Variants in PLXNA3 observed in about 807,000 individuals in gnomAD.
The protein encoded by PLXNA3 is plexin-A3.
PLXNA3 carries 52 observed loss-of-function variants against 118.8 expected under a neutral mutation model. The observed-to-expected ratio is 0.44, with a 90% confidence interval of 0.35 to 0.55. PLXNA3 has a LOEUF of 0.55. PLXNA3 is among the 20% of genes least tolerant of loss of function. The pLI, the probability that PLXNA3 is intolerant of heterozygous loss-of-function variation, is 0.01. For synonymous variants in PLXNA3, 925 were observed against 762.4 expected (o/e 1.21, Z -3.51); for missense variants, 1,660 against 1,730.8 (o/e 0.96, Z 0.73).
chrX:154,471,406 G>A (rs1462094158), intron 31 of PLXNA3, 82 bp from the exon 32 acceptor site: 100 of 1,155,848 alleles, frequency 8.7e-5, no homozygotes, highest in Non-Finnish European at 1.0e-4. Context: ...CAGGCAGGAA[G>A]CCCGGGGGCT....
rs1000735586 is a variant in PLXNA3, at chrX:154,464,302, C to T, written c.1817C>T (p.Thr606Ile). The change falls in exon 8 of 33, where the codon ACC becomes ATC. Residue 606 changes from threonine (T) to isoleucine (I), a missense_variant. By Grantham distance (89) the Thr-to-Ile change is moderately conservative (BLOSUM62 -1). Around this residue, in one of 2 missense-constraint regions of PLXNA3, gnomAD observed 791 missense variants for 652.1 expected, o/e 1.21. Coordinates refer to ENST00000369682, the MANE Select transcript of PLXNA3 (RefSeq NM_017514.5). ...SPSLQELRAL[T>I]RGHGATRTVR... is the part of the protein sequence containing the mutation. ...TCCCTCCAGGAGCTCCGAGCTCTTA[C>T]CAGGGGGCATGGTCAGTGGGTTGGG... 8.3e-7 allele frequency: 1 copy of T among 1,207,746 alleles called. No individual in the cohort carries two copies. The highest frequency in any genetic ancestry group is 1.8e-5 in the South Asian group (1 of 56,861).
rs1459366429 is a variant in PLXNA3 at position 154,477,489 on chromosome X, G to GA, written c.*4811dup. On this transcript the variant is annotated 3_prime_UTR_variant, in exon 33 of 33. Coordinates refer to ENST00000369682, the MANE Select transcript of PLXNA3 (RefSeq NM_017514.5). ...AGCTCATGTTAGATTTAAAAATCAG[G>GA]AAAAAAATTTAACACTAAACTTGCA... The GA allele has an allele frequency of 1.7e-5, 2 of 114,580 alleles. No homozygotes were observed. Among genetic ancestry groups the GA allele is most frequent in the African/African-American group, 6.5e-5 (2 of 30,817 alleles). 9.4% of individuals were successfully genotyped at this position (114,580 alleles called of 1,213,427 possible).
intron 1 of PLXNA3, 129 bp downstream of exon 1, chrX:154,458,557 C>T (rs2068879758): frequency 1.8e-5 from 2 of 112,736 alleles, no homozygotes; most frequent in Admixed American, 1.8e-4. Context: ...GCCGGCCTGC[C>T]CGACTCCTTG....
At position 154,474,348 on chromosome X, in the gene PLXNA3, A is replaced by G. The variant is rs1271055650; in HGVS notation, c.*1663A>G. ...TTTTTTTTTGAGATAGGTTGCCGCT[A>G]TGTTGTTCAGGCTGGTCTTGAATTC... On this transcript the variant is annotated 3_prime_UTR_variant, in exon 33 of 33. Coordinates refer to ENST00000369682, the MANE Select transcript of PLXNA3 (RefSeq NM_017514.5). The G allele has an allele frequency of 8.6e-5, 8 of 93,024 alleles. No homozygotes were observed. Among genetic ancestry groups the G allele is most frequent in the Non-Finnish European group, 1.7e-4 (8 of 48,240 alleles). The allele number at this position is 93,024 out of a possible 1,213,427, so 7.7% of individuals were successfully genotyped here. A position where few individuals can be genotyped will look rare whatever the true frequency, so the allele number is the denominator to read the frequency against.
chrX:154,460,560 A>G lies in PLXNA3; in HGVS notation c.377A>G (p.Asp126Gly). ...WQGICQFLRLDDLFKLGEPHH... is the reference protein window; with the variant it reads ...WQGICQFLRLGDLFKLGEPHH... The stretch of plus-strand genomic sequence containing the variant: ...GGCATCTGCCAGTTCCTGCGTCTGG[A>G]CGACCTCTTCAAGCTGGGTGAGCCG... The change falls in exon 2 of 33, where the codon GAC becomes GGC. Residue 126 changes from aspartate (D) to glycine (G), a missense_variant. Around this residue, in one of 2 missense-constraint regions of PLXNA3, gnomAD observed 791 missense variants for 652.1 expected, o/e 1.21. Transcript: ENST00000369682. 6 of 1,209,141 alleles carry G rather than the reference A, an allele frequency of 5.0e-6. No individual in the cohort carries two copies. Among genetic ancestry groups the G allele is most frequent in the East Asian group, 3.0e-5 (1 of 33,811 alleles).
chrX:154,471,650 C>T lies in PLXNA3; in HGVS notation c.5520+12C>T, dbSNP rs782025544. 38 of 1,192,273 alleles carry T rather than the reference C, an allele frequency of 3.2e-5. No individual in the cohort carries two copies. Among genetic ancestry groups the T allele is most frequent in the Non-Finnish European group, 5.7e-6 (5 of 881,565 alleles). The stretch of plus-strand genomic sequence containing the variant: ...AGTACCGCCAGGAGGTGTGTGTCAT[C>T]CCCACAGACTCCCAGTTACTTGGTC... On this transcript the variant is annotated intron_variant, in intron 32 of 32. Transcript: ENST00000369682.
rs2069032670 is a variant in PLXNA3, at chrX:154,464,207, C to T, written c.1722C>T (p.Cys574=). ...NVPDLSAGVS[C]AFEAAAENEA... is the part of the protein sequence containing the mutation. Reference sequence around the variant, plus strand: ...CAGACCTCAGTGCGGGCGTGAGCTGCGCCTTCGAGGCGGCGGCGGAGAACG... The same window carrying T: ...CAGACCTCAGTGCGGGCGTGAGCTGTGCCTTCGAGGCGGCGGCGGAGAACG... Residue 574 remains cysteine, a synonymous_variant, in exon 8 of 33, where the codon TGC becomes TGT. Transcript: ENST00000369682. 5 of 1,208,759 alleles carry T rather than the reference C, an allele frequency of 4.1e-6. No homozygotes were observed. The highest frequency in any genetic ancestry group is 4.5e-6 in the Non-Finnish European group (4 of 894,482).
At chrX:154,469,619 G>A (rs1436676159) in intron 27 of PLXNA3, 69 bp from the exon 28 acceptor site, 37 of 988,814 alleles carry the variant, frequency 3.7e-5, no homozygotes, top group Non-Finnish European at 5.3e-5. Flanking sequence ...CCTCCTGGGT[G>A]TGGGTGGGTG....
Position 154,460,172 on chromosome X carries a change from C to T in PLXNA3, c.-12C>T, listed in dbSNP as rs368407407. The T allele has an allele frequency of 1.2e-4, 137 of 1,158,611 alleles. No individual in the cohort carries two copies. Among genetic ancestry groups the T allele is most frequent in the African/African-American group, 4.2e-4 (24 of 56,568 alleles). ...CTCTCCCTAGGCCTGTCCCCAGGCG[C>T]GGCTGCCGGCCATGCCCTCTGTCTG... On this transcript the variant is annotated 5_prime_UTR_variant, in exon 2 of 33. Coordinates refer to ENST00000369682, the MANE Select transcript of PLXNA3 (RefSeq NM_017514.5).
rs782344349 is a variant in PLXNA3 at position 154,462,178 on chromosome X, G to A, written c.1185G>A (p.Leu395=). 5 of 1,204,792 alleles carry A rather than the reference G, an allele frequency of 4.2e-6. No homozygotes were observed. The highest frequency in any genetic ancestry group is 3.0e-5 in the East Asian group (1 of 33,217). ...NFCGLVLNQP[L]GGLHVIEGLP... ...GTGGGCTGGTGTTGAACCAGCCTCT[G>A]GGAGGCCTGCATGTGATCGAGGGGC... is the stretch of plus-strand genomic sequence containing the variant. The change falls in exon 4 of 33, where the codon CTG becomes CTA. Residue 395 remains leucine, a synonymous_variant. Coordinates refer to ENST00000369682, the MANE Select transcript of PLXNA3 (RefSeq NM_017514.5).
At position 154,467,559 on chromosome X, in the gene PLXNA3, TC is replaced by T. The variant is rs1557207708; in HGVS notation, c.3459del (p.Ala1154LeufsTer13). 8.5e-7 allele frequency: 1 copy of T among 1,183,257 alleles called. No homozygotes were observed. The highest frequency in any genetic ancestry group is 2.4e-5 in the Admixed American group (1 of 41,666). On this transcript the variant is annotated frameshift_variant, in exon 20 of 33. Transcript: ENST00000369682. LOFTEE classifies it high-confidence loss of function. ...TCCACCCCCAGGGCAAGAACCTGAT[TC>T]CCGCTGCAGCCGGCAGCTCCCGCCT... ...HVVLKGKNLI[P>X]AAAGSSRLNY...
rs2069234420 is a variant in PLXNA3, at chrX:154,476,122, C to G, written c.*3437C>G. The G allele has an allele frequency of 9.0e-6, 1 of 111,468 alleles. No individual in the cohort carries two copies. The highest frequency in any genetic ancestry group is 1.9e-5 in the Non-Finnish European group (1 of 53,022). The allele number at this position is 111,468 out of a possible 1,213,427, so 9.2% of individuals were successfully genotyped here. ...GCTGTGATTGTGCCAGCCTAGGTGA[C>G]AGAGCCAGACCCTGTATCAAAAAAA... On this transcript the variant is annotated 3_prime_UTR_variant, in exon 33 of 33. Coordinates refer to ENST00000369682, the MANE Select transcript of PLXNA3 (RefSeq NM_017514.5).
rs1425983827 is a variant in PLXNA3, at chrX:154,458,442, A to C, written c.-28+14A>C. On this transcript the variant is annotated intron_variant, in intron 1 of 32. Coordinates refer to ENST00000369682, the MANE Select transcript of PLXNA3 (RefSeq NM_017514.5). ...GCGGAGGGACAGGTAGGTGGCCGTC[A>C]TCGTCGCCGTCCGTGCGGGGCCAAA... 9.0e-6 allele frequency: 1 copy of C among 110,726 alleles called. No individual in the cohort carries two copies. Among genetic ancestry groups the C allele is most frequent in the African/African-American group, 3.3e-5 (1 of 30,446 alleles). 9.1% of individuals were successfully genotyped at this position (110,726 alleles called of 1,213,427 possible).
rs2069109046 is a variant in PLXNA3 at position 154,467,549 on chromosome X, A to G, written c.3446A>G (p.Lys1149Arg). Residue 1149 changes from lysine to arginine, a missense_variant, in exon 20 of 33, where the codon AAG becomes AGG. Around this residue, in one of 2 missense-constraint regions of PLXNA3, gnomAD observed 869 missense variants for 1,078.7 expected, o/e 0.81. Coordinates refer to ENST00000369682, the MANE Select transcript of PLXNA3 (RefSeq NM_017514.5). The part of the protein sequence containing the change: ...KPGSHVVLKG[K>R]NLIPAAAGSS... ...GAAGTTGTCCTCCACCCCCAGGGCA[A>G]GAACCTGATTCCCGCTGCAGCCGGC... 1 of 1,180,902 alleles carries G rather than the reference A, an allele frequency of 8.5e-7. No individual in the cohort carries two copies. The highest frequency in any genetic ancestry group is 3.1e-5 in the East Asian group (1 of 32,109).
In PLXNA3 at chrX:154,461,464, C is replaced by T; in HGVS notation, c.960C>T (p.Ile320=). 1 of 1,211,965 alleles carries T rather than the reference C, an allele frequency of 8.3e-7. No individual in the cohort carries two copies. The highest frequency in any genetic ancestry group is 1.8e-5 in the South Asian group (1 of 57,044). Residue 320 remains isoleucine (I), a synonymous_variant, in exon 3 of 33, where the codon ATC becomes ATT. Transcript: ENST00000369682. ...VPADEDVLFT[I]FSQGQKNRAS... ...CTGATGAGGACGTCCTCTTCACCAT[C>T]TTCTCTCAGGGCCAGAAGAACCGGG...
chrX:154,460,302 G>C lies in PLXNA3; in HGVS notation c.119G>C (p.Arg40Pro). The change falls in exon 2 of 33, where the codon CGG (arginine) becomes CCG (proline). Residue 40 changes from arginine (R) to proline (P), a missense_variant. Transcript: ENST00000369682. ...ACGCTTACCCACCTGGCTGTGCACC[G>C]GGTGACTGGGGAGGTGTTCGTGGGC... ...DTTLTHLAVHRVTGEVFVGAV... is the reference protein window; with the variant it reads ...DTTLTHLAVHPVTGEVFVGAV... The C allele has an allele frequency of 2.5e-6, 3 of 1,208,715 alleles. No homozygotes were observed. The highest frequency in any genetic ancestry group is 3.5e-5 in the South Asian group (2 of 56,954).
chrX:154,458,517 G>C (rs1557202492), intron 1 of PLXNA3, 89 bp downstream of exon 1: 1 of 112,177 alleles, frequency 8.9e-6, no homozygotes, highest in Non-Finnish European at 1.9e-5. Flanking sequence ...CTCGGCCTGT[G>C]GGGGTCAGGC....
chrX:154,460,921 C>T (rs1274951398), intron 2 of PLXNA3, 144 bp downstream of exon 2: 4 of 619,415 alleles, frequency 6.5e-6, no homozygotes, highest in Non-Finnish European at 9.7e-6. Flanking sequence ...ACAGCCTGAA[C>T]CCAGGTTGCG....
rs113022473 is a variant in PLXNA3, at chrX:154,470,199, C to T, written c.4986+32C>T. ...GCCTGCCTCTCGCCACCTTGGCCTC[C>T]GCCCAGAGGTTGTCCCGGCCTTACA... On this transcript the variant is annotated intron_variant, in intron 29 of 32. Coordinates refer to ENST00000369682, the MANE Select transcript of PLXNA3 (RefSeq NM_017514.5). The T allele has an allele frequency of 2.6e-4, 307 of 1,178,798 alleles. 1 individual carries two copies. In the South Asian group the frequency reaches 4.3e-3, roughly 16 times the overall value.
Sources: allele counts gnomAD v4.1 joint callset, GRCh38; gene constraint gnomAD v4.1.1; regional missense constraint gnomAD v4.1.1; transcripts MANE v1.5; gene names NCBI Gene and HGNC (gene_info 2026-07-23, HGNC 2026-07-21).